P2RY12: variants seen among roughly 807,000 people sequenced by gnomAD.
P2RY12 encodes P2Y purinoceptor 12.
Under a neutral mutation model 4.5 loss-of-function variants are expected in P2RY12, and 3 were observed. That is an observed-to-expected ratio of 0.67 (90% CI 0.31 to 1.74). P2RY12 has a LOEUF of 1.74. Among genes scored for constraint, P2RY12 ranks in the 40% most tolerant of loss-of-function variants. The probability of loss-of-function intolerance (pLI) is 0.09; values close to 1 mark genes in which losing one functional copy is unlikely to be tolerated. For missense variants in P2RY12, 356 were observed against 407.8 expected (o/e 0.87, Z 1.09); for synonymous variants, 148 against 154.1 (o/e 0.96, Z 0.29).
intron 1 of P2RY12, chr3:151,376,343 T>A: frequency 1.4e-6 from 1 of 725,892 alleles, no homozygotes; most frequent in Non-Finnish European, 2.1e-6. Context: ...CCCACACATT[T>A]TCTGTGGAAT....
At chr3:151,379,584 GTCC>G (rs1265893401) in intron 1 of P2RY12, among the ~76,000 whole-genome samples, 1 of 152,160 alleles carries the variant, frequency 6.6e-6, no homozygotes, top group Non-Finnish European at 1.5e-5. Flanking sequence ...TGTTTTTGGA[GTCC>G]TCAGCCCTGG....
At chr3:151,356,236 C>T (rs948225733) in intron 1 of P2RY12, among the ~76,000 whole-genome samples, 1 of 151,756 alleles carries the variant, frequency 6.6e-6, no homozygotes, top group African/African-American at 2.4e-5. Context: ...CCCATCTCCA[C>T]AAAAAATTTA....
At chr3:151,343,294 A>G (rs1289273643) in intron 1 of P2RY12, among the ~76,000 whole-genome samples, 1 of 152,216 alleles carries the variant, frequency 6.6e-6, no homozygotes, top group Non-Finnish European at 1.5e-5. Flanking sequence ...ACTAATTCAG[A>G]ATACTTAAGT....
In P2RY12 at chr3:151,337,455, AT is replaced by A; in HGVS notation, c.*361del. 4.6e-6 allele frequency: 1 copy of A among 216,800 alleles called. No individual in the cohort carries two copies. The highest frequency in any genetic ancestry group is 1.2e-4 in the East Asian group (1 of 8,048). 13.4% of individuals were successfully genotyped at this position (216,800 alleles called of 1,614,324 possible). ...CCAATTGATCGTTCTTCCTTAGTTG[AT>A]TATGAAAAAATAAAATTGTGAACGA... On this transcript the variant is annotated 3_prime_UTR_variant, in exon 3 of 3. Coordinates refer to ENST00000302632, the MANE Select transcript of P2RY12 (RefSeq NM_022788.5).
rs778116081 is a variant in P2RY12 at position 151,337,810 on chromosome 3, A to T, written c.*7T>A. On this transcript the variant is annotated 3_prime_UTR_variant, in exon 3 of 3. Transcript: ENST00000302632. ...AAGAGATTGAAATATTTCCTTAGTT[A>T]ATTTGTTTACATTGGAGTCTCTTCA... is the stretch of plus-strand genomic sequence containing the variant. 2 of 1,612,774 alleles carry T rather than the reference A, an allele frequency of 1.2e-6. No homozygotes were observed. The highest frequency in any genetic ancestry group is 2.7e-5 in the African/African-American group (2 of 74,998).
chr3:151,358,113 T>A (rs900688236), intron 1 of P2RY12, among the ~76,000 whole-genome samples: 2 of 152,150 alleles, frequency 1.3e-5, no homozygotes, highest in African/African-American at 4.8e-5. Context: ...GTACCTTTTA[T>A]TTTTTTAATC....
chr3:151,346,265 T>A (rs1056245668), intron 1 of P2RY12, among the ~76,000 whole-genome samples: 1 of 152,222 alleles, frequency 6.6e-6, no homozygotes, highest in African/African-American at 2.4e-5. Flanking sequence ...TCTTATATCC[T>A]TTATCATCAG....
chr3:151,355,878 T>C (rs1341362005), intron 1 of P2RY12: 7 of 1,594,248 alleles, frequency 4.4e-6, no homozygotes, highest in Non-Finnish European at 6.0e-6. Flanking sequence ...TACAATATTT[T>C]TGTTTTTATT....
Position 151,361,367 on chromosome 3 carries a change from C to T in P2RY12, c.-179-20607G>A, listed in dbSNP as rs186369520. Among the ~76,000 whole-genome samples, 265 of 152,068 alleles carry T rather than the reference C, an allele frequency of 1.7e-3. 1 individual carries two copies. Among genetic ancestry groups the T allele is most frequent in the African/African-American group, 6.2e-3 (258 of 41,458 alleles). On this transcript the variant is annotated intron_variant, in intron 1 of 2. Transcript: ENST00000302632. ...GCATTAAAAGTAGGAAACCTGGTTTCTATTACAGATTGTATTAGATTCAGG... is the reference window on the plus strand; with the variant it reads ...GCATTAAAAGTAGGAAACCTGGTTTTTATTACAGATTGTATTAGATTCAGG...
At chr3:151,372,827 C>A in intron 1 of P2RY12, 3 of 1,355,438 alleles carry the variant, frequency 2.2e-6, no homozygotes, top group South Asian at 1.2e-5. Context: ...GAGAGAGCTA[C>A]TTACACTTAT....
intron 1 of P2RY12, among the ~76,000 whole-genome samples, chr3:151,354,811 G>A (rs1243729919): frequency 2.0e-5 from 3 of 152,170 alleles, no homozygotes; most frequent in African/African-American, 7.2e-5. Context: ...GATGCCAGAT[G>A]TGGAAAGCAT....
At chr3:151,367,406 A>G (rs1206268053) in intron 1 of P2RY12, among the ~76,000 whole-genome samples, 2 of 152,182 alleles carry the variant, frequency 1.3e-5, no homozygotes, top group Non-Finnish European at 2.9e-5. Flanking sequence ...ATTTGCATGT[A>G]TGCAAGTCAA....
At chr3:151,348,680 T>C (rs1338835689) in intron 1 of P2RY12, among the ~76,000 whole-genome samples, 2 of 151,898 alleles carry the variant, frequency 1.3e-5, no homozygotes, top group African/African-American at 4.8e-5. Context: ...TTTCTTGTAA[T>C]GTATAATAAA....
chr3:151,350,275 C>G, intron 1 of P2RY12: 1 of 1,507,860 alleles, frequency 6.6e-7, no homozygotes, highest in Non-Finnish European at 9.1e-7. Flanking sequence ...CAGTCTTTAT[C>G]AAAGTGTTCT....
intron 1 of P2RY12, chr3:151,365,049 G>A: frequency 6.2e-7 from 1 of 1,614,024 alleles, no homozygotes; most frequent in South Asian, 1.1e-5. Context: ...CTTGCGATGG[G>A]ATCCAGACTT....
chr3:151,344,004 G>A (rs1752230749), intron 1 of P2RY12, among the ~76,000 whole-genome samples: 1 of 152,124 alleles, frequency 6.6e-6, no homozygotes. Context: ...ATGTCTGCTA[G>A]CTTGGCTTTA....
At chr3:151,376,253 A>T (rs771624390) in intron 1 of P2RY12, 2 of 1,330,360 alleles carry the variant, frequency 1.5e-6, no homozygotes, top group Admixed American at 2.8e-5. Context: ...CATTTGATAA[A>T]TTCTTCGTAA....
intron 1 of P2RY12, among the ~76,000 whole-genome samples, chr3:151,361,445 GAATT>G (rs1311537204): frequency 3.3e-5 from 5 of 151,848 alleles, no homozygotes; most frequent in Admixed American, 6.6e-5. Context: ...AAATAGAACT[GAATT>G]AATCATAAAA....
At chr3:151,365,115 G>T in intron 1 of P2RY12, 1 of 1,613,966 alleles carries the variant, frequency 6.2e-7, no homozygotes, top group Non-Finnish European at 8.5e-7. Flanking sequence ...CTCAATGCTG[G>T]GCAAGATCCT....
Sources: gnomAD v4.1 joint callset for allele counts (sites outside exome capture counted in the v4.1 genomes callset) on GRCh38, gnomAD v4.1.1 for gene constraint, MANE v1.5 for transcripts, NCBI Gene and HGNC (gene_info 2026-07-23, HGNC 2026-07-21) for gene names.